The following SORCS2 variants were observed in gnomAD, a reference collection of about 807,000 sequenced individuals.
The protein encoded by SORCS2 is VPS10 domain-containing receptor SorCS2.
A neutral mutation model predicts 141.6 loss-of-function variants in SORCS2; 100 were observed. The ratio of observed to expected loss-of-function variants is 0.71; its 90% CI spans 0.60 to 0.83. The LOEUF is 0.83. Among genes scored for constraint, SORCS2 ranks in the 40% least tolerant of loss-of-function variants. The probability of loss-of-function intolerance (pLI) is 0.00; values close to 1 mark genes in which losing one functional copy is unlikely to be tolerated. For missense variants in SORCS2, 1,646 were observed against 1,560.2 expected (o/e 1.05, Z -0.93); for synonymous variants, 789 against 676.9 (o/e 1.17, Z -2.57).
chr4:7,392,654 G>C (rs978597946), intron 1 of SORCS2, among the ~76,000 whole-genome samples: 17 of 151,634 alleles, frequency 1.1e-4, no homozygotes, highest in Non-Finnish European at 2.2e-4. Flanking sequence ...AGGGTGCAGG[G>C]CTGCTGGGCT....
At chr4:7,314,833 G>GA (rs1718458057) in intron 1 of SORCS2, among the ~76,000 whole-genome samples, 5 of 87,942 alleles carry the variant, frequency 5.7e-5, no homozygotes, top group Admixed American at 4.0e-4. Flanking sequence ...TTTTTTTATT[G>GA]TTGTTGTTGT....
At chr4:7,223,130 G>T (rs1310139409) in intron 1 of SORCS2, among the ~76,000 whole-genome samples, 3 of 152,150 alleles carry the variant, frequency 2.0e-5, no homozygotes, top group Admixed American at 6.5e-5. Flanking sequence ...TCTGATGAAG[G>T]ACGGGACTCA....
At chr4:7,508,951 A>G (rs1046250849) in intron 2 of SORCS2, among the ~76,000 whole-genome samples, 11 of 151,732 alleles carry the variant, frequency 7.2e-5, no homozygotes, top group African/African-American at 2.4e-4. Flanking sequence ...CCTGGGGACA[A>G]GGGTGGCTCG....
At chr4:7,513,203 TGA>T (rs1467722669) in intron 2 of SORCS2, among the ~76,000 whole-genome samples, 3 of 152,200 alleles carry the variant, frequency 2.0e-5, no homozygotes, top group African/African-American at 7.2e-5. Flanking sequence ...AGCCATAATG[TGA>T]GAGAGCGCTA....
intron 2 of SORCS2, chr4:7,434,259 C>T: frequency 6.2e-7 from 1 of 1,613,410 alleles, no homozygotes; most frequent in Non-Finnish European, 8.5e-7. Context: ...CCTGGATGTT[C>T]AAGTCGGCCA....
At chr4:7,396,406 TCCC>T in intron 2 of SORCS2, 51 bp downstream of exon 2, 1 of 1,588,588 alleles carries the variant, frequency 6.3e-7, no homozygotes, top group Admixed American at 1.7e-5. Context: ...CGTGCCATCT[TCCC>T]AGGCTCTCAG....
intron 2 of SORCS2, among the ~76,000 whole-genome samples, chr4:7,499,542 C>G (rs184333424): frequency 1.3e-5 from 2 of 152,016 alleles, no homozygotes; most frequent in Non-Finnish European, 2.9e-5. Context: ...AGAGGAGGAT[C>G]GCAGGTGGTA....
chr4:7,417,288 G>A (rs1217216167), intron 2 of SORCS2, among the ~76,000 whole-genome samples: 1 of 152,150 alleles, frequency 6.6e-6, no homozygotes, highest in Non-Finnish European at 1.5e-5. Flanking sequence ...GCTGAGAGAT[G>A]GCAGCGCCAG....
intron 1 of SORCS2, among the ~76,000 whole-genome samples, chr4:7,275,778 C>T (rs564723755): frequency 6.6e-6 from 1 of 152,254 alleles, no homozygotes; most frequent in South Asian, 2.1e-4. Flanking sequence ...CAGCAAGGTG[C>T]ATGAGCTTTG....
chr4:7,666,738 C>T (rs1450066114), intron 7 of SORCS2, among the ~76,000 whole-genome samples: 1 of 152,142 alleles, frequency 6.6e-6, no homozygotes, highest in South Asian at 2.1e-4. Context: ...GGGAAAAGCA[C>T]TCGAGATGGT....
At chr4:7,339,122 G>A (rs984646231) in intron 1 of SORCS2, among the ~76,000 whole-genome samples, 2 of 152,222 alleles carry the variant, frequency 1.3e-5, no homozygotes, top group South Asian at 2.1e-4. Context: ...ACTGTGGCCC[G>A]TGAGGGTGGG....
At chr4:7,682,644 T>C (rs1216499263) in intron 9 of SORCS2, 99 bp from the exon 10 acceptor site, 10 of 1,200,510 alleles carry the variant, frequency 8.3e-6, no homozygotes, top group Non-Finnish European at 1.2e-5. Context: ...TGAGGCCACA[T>C]GTGCAGAGCA....
At chr4:7,407,823 C>T (rs1341155458) in intron 2 of SORCS2, among the ~76,000 whole-genome samples, 1 of 151,864 alleles carries the variant, frequency 6.6e-6, no homozygotes, top group East Asian at 1.9e-4. Flanking sequence ...TCCATTGATA[C>T]TTATTTTTAT....
intron 1 of SORCS2, among the ~76,000 whole-genome samples, chr4:7,205,534 A>G (rs998513823): frequency 6.6e-6 from 1 of 152,244 alleles, no homozygotes; most frequent in Non-Finnish European, 1.5e-5. Flanking sequence ...TTTGAGATCG[A>G]TAACAACTGT....
chr4:7,340,501 G>A (rs1208647814), intron 1 of SORCS2, among the ~76,000 whole-genome samples: 1 of 152,240 alleles, frequency 6.6e-6, no homozygotes, highest in East Asian at 1.9e-4. Flanking sequence ...AGCTTCCTCT[G>A]GGAAAGGCGC....
intron 2 of SORCS2, among the ~76,000 whole-genome samples, chr4:7,461,703 C>T (rs915127681): frequency 6.6e-6 from 1 of 152,214 alleles, no homozygotes; most frequent in Admixed American, 6.5e-5. Flanking sequence ...CGGTCTGCAG[C>T]CATCCTCAGG....
rs752654003 is a variant in SORCS2 at position 7,656,736 on chromosome 4, C to T, written c.887+2529C>T. On this transcript the variant is annotated intron_variant, in intron 5 of 26. Transcript: ENST00000507866. ...GAAAGCCTCAGCCTTCCTCTCCATT[C>T]GCTCCAGGCCTGGCCCTGGTGCAGG... is the stretch of plus-strand genomic sequence containing the variant. 5.9e-5 allele frequency among the ~76,000 whole-genome samples: 9 copies of T among 152,342 alleles called. No homozygotes were observed. In the South Asian group the frequency reaches 1.2e-3, roughly 21 times the overall value.
chr4:7,477,015 C>T (rs1437017418), intron 2 of SORCS2, among the ~76,000 whole-genome samples: 1 of 152,200 alleles, frequency 6.6e-6, no homozygotes, highest in African/African-American at 2.4e-5. Context: ...CCCCCAGGGC[C>T]CCAGCTGCAG....
At chr4:7,459,037 C>A (rs922746735) in intron 2 of SORCS2, among the ~76,000 whole-genome samples, 1 of 151,994 alleles carries the variant, frequency 6.6e-6, no homozygotes, top group Non-Finnish European at 1.5e-5. Flanking sequence ...GCTCCTAAGG[C>A]GCGTGGCAAA....
Sources: allele counts gnomAD v4.1 joint callset (sites outside exome capture counted in the v4.1 genomes callset), GRCh38; gene constraint gnomAD v4.1.1; transcripts MANE v1.5; gene names NCBI Gene and HGNC (gene_info 2026-07-23, HGNC 2026-07-21).